The following IL7R variants were observed in gnomAD, a reference collection of about 807,000 sequenced individuals.
IL7R encodes interleukin 7 receptor.
Under a neutral mutation model 47.0 loss-of-function variants are expected in IL7R, and 38 were observed. The ratio of observed to expected loss-of-function variants is 0.81; its 90% CI spans 0.62 to 1.06. IL7R has a LOEUF of 1.06. Among genes scored for constraint, IL7R ranks in the 50% least tolerant of loss-of-function variants. The pLI is 0.00. For missense variants in IL7R, 633 were observed against 534.8 expected (o/e 1.18, Z -1.81); for synonymous variants, 221 against 199.8 (o/e 1.11, Z -0.89).
intron 1 of IL7R, 29 bp downstream of exon 1, chr5:35,857,088 T>C (rs1454356037): frequency 2.2e-6 from 3 of 1,359,856 alleles, no homozygotes; most frequent in Non-Finnish European, 3.2e-6. Flanking sequence ...TTCTTATGGA[T>C]TTTGGATTAT....
Position 35,876,058 on chromosome 5 carries a change from G to A in IL7R, c.952G>A (p.Asp318Asn), listed in dbSNP as rs200521932. 50 of 1,614,046 alleles carry A rather than the reference G, an allele frequency of 3.1e-5. No homozygotes were observed. Among genetic ancestry groups the A allele is most frequent in the Non-Finnish European group, 3.8e-5 (45 of 1,180,028 alleles). Residue 318 changes from aspartate (D) to asparagine (N), a missense_variant, in exon 8 of 8, where the codon GAT becomes AAT. Asp to Asn is a conservative substitution (Grantham distance 23). Transcript: ENST00000303115. ...TAGGGTGGATGACATTCAAGCTAGAGATGAAGTGGAAGGTTTTCTGCAAGA... is the reference window on the plus strand; with the variant it reads ...TAGGGTGGATGACATTCAAGCTAGAAATGAAGTGGAAGGTTTTCTGCAAGA... ...IHRVDDIQAR[D>N]EVEGFLQDTF...
intron 3 of IL7R, 111 bp from the exon 4 acceptor site, chr5:35,870,945 T>C (rs1760058548): frequency 1.1e-6 from 1 of 926,656 alleles, no homozygotes; most frequent in Admixed American, 1.8e-5. Context: ...TAGTTGGCCA[T>C]TTACTGACAC....
At chr5:35,857,193 T>C (rs1340841773) in intron 1 of IL7R, 134 bp downstream of exon 1, 2 of 618,352 alleles carry the variant, frequency 3.2e-6, no homozygotes, top group African/African-American at 4.2e-5. Flanking sequence ...TATTCAGTCA[T>C]TTTTTTTAAT....
chr5:35,867,757 T>C, intron 3 of IL7R: 1 of 592,100 alleles, frequency 1.7e-6, no homozygotes, highest in Non-Finnish European at 3.0e-6. Flanking sequence ...AGGTGTCCTT[T>C]CCTTCCTTAT....
chr5:35,858,748 A>C (rs1759725399), intron 1 of IL7R, among the ~76,000 whole-genome samples: 1 of 152,216 alleles, frequency 6.6e-6, no homozygotes, highest in Admixed American at 6.5e-5. Flanking sequence ...TTATACTCAT[A>C]GCTAATCCCT....
intron 2 of IL7R, 81 bp from the exon 3 acceptor site, chr5:35,867,225 A>G: frequency 1.6e-6 from 2 of 1,277,550 alleles, no homozygotes; most frequent in Non-Finnish European, 2.3e-6. Flanking sequence ...TCAAACATAC[A>G]TCAATGTGCA....
Position 35,878,150 on chromosome 5 carries a change from C to T in IL7R, c.*1664C>T, listed in dbSNP as rs990191850. ...TGTTGGCTTAAAGGACTGGTAAGAT[C>T]AGACCATCTTATTCTTCAGGTGAAT... On this transcript the variant is annotated 3_prime_UTR_variant, in exon 8 of 8. Coordinates refer to ENST00000303115, the MANE Select transcript of IL7R (RefSeq NM_002185.5). 4.7e-5 allele frequency: 11 copies of T among 233,154 alleles called. No individual in the cohort carries two copies. The highest frequency in any genetic ancestry group is 2.2e-4 in the African/African-American group (10 of 45,360). The allele number at this position is 233,154 out of a possible 1,614,324, so 14.4% of individuals were successfully genotyped here.
intron 3 of IL7R, among the ~76,000 whole-genome samples, chr5:35,868,254 C>T (rs143842641): frequency 6.6e-6 from 1 of 152,212 alleles, no homozygotes; most frequent in East Asian, 1.9e-4. Context: ...AAATGTTAAC[C>T]ATGTCTTAAA....
At position 35,874,429 on chromosome 5, in the gene IL7R, A is replaced by C; in HGVS notation, c.707-20A>C. 1 of 1,551,572 alleles carries C rather than the reference A, an allele frequency of 6.4e-7. No individual in the cohort carries two copies. The highest frequency in any genetic ancestry group is 8.9e-7 in the Non-Finnish European group (1 of 1,122,560). ...TGCATGGCTACTGAATGCTCACCAC[A>C]ATCTATTCTTGCTTTCCAGGGGAGA... On this transcript the variant is annotated intron_variant, in intron 5 of 7. Coordinates refer to ENST00000303115, the MANE Select transcript of IL7R (RefSeq NM_002185.5).
rs202196214 is a variant in IL7R, at chr5:35,856,974, C to G, written c.-4C>G. 43 of 1,567,044 alleles carry G rather than the reference C, an allele frequency of 2.7e-5. No homozygotes were observed. In the South Asian group the frequency reaches 3.9e-4, roughly 14 times the overall value. Reference sequence around the variant, plus strand: ...ATCTACTCTCTCTCTCTATCTCTCTCAGAATGACAATTCTAGGTACAACTT... The same window carrying G: ...ATCTACTCTCTCTCTCTATCTCTCTGAGAATGACAATTCTAGGTACAACTT... On this transcript the variant is annotated 5_prime_UTR_variant, in exon 1 of 8. Transcript: ENST00000303115.
chr5:35,877,351 G>C lies in IL7R; in HGVS notation c.*865G>C, dbSNP rs184482643. Reference sequence around the variant, plus strand: ...TTGCGGGTGTGAAGTCCCATGACCAGCCATGTCAAAAGAAGGTAAAGAAGT... The same window carrying C: ...TTGCGGGTGTGAAGTCCCATGACCACCCATGTCAAAAGAAGGTAAAGAAGT... On this transcript the variant is annotated 3_prime_UTR_variant, in exon 8 of 8. Transcript: ENST00000303115. 2.1e-5 allele frequency: 5 copies of C among 233,150 alleles called. No individual in the cohort carries two copies. Among genetic ancestry groups the C allele is most frequent in the East Asian group, 1.2e-4 (2 of 16,586 alleles). 14.4% of individuals were successfully genotyped at this position (233,150 alleles called of 1,614,324 possible). A position where few individuals can be genotyped will look rare whatever the true frequency, so the allele number is the denominator to read the frequency against.
rs1759961562 is a variant in IL7R at position 35,867,260 on chromosome 5, G to A, written c.222-46G>A. 5 of 1,556,486 alleles carry A rather than the reference G, an allele frequency of 3.2e-6. No homozygotes were observed. The South Asian group carries it at 4.5e-5, about 14-fold the overall frequency. ...ATATGATACTATTCCACTGCATACA[G>A]GAACTCCTACCTGAATCAAGACATA... is the stretch of plus-strand genomic sequence containing the variant. On this transcript the variant is annotated intron_variant, in intron 2 of 7. Coordinates refer to ENST00000303115, the MANE Select transcript of IL7R (RefSeq NM_002185.5).
chr5:35,861,023 C>T (rs758839198), intron 2 of IL7R, 33 bp downstream of exon 2: 9 of 1,603,892 alleles, frequency 5.6e-6, no homozygotes, highest in African/African-American at 1.3e-5. Context: ...GTTGCTTAGA[C>T]ATCCTCTGTC....
rs181945634 is a variant in IL7R at position 35,877,047 on chromosome 5, A to G, written c.*561A>G. On this transcript the variant is annotated 3_prime_UTR_variant, in exon 8 of 8. Coordinates refer to ENST00000303115, the MANE Select transcript of IL7R (RefSeq NM_002185.5). The stretch of plus-strand genomic sequence containing the variant: ...TCACACAGTGAAGGGAGGGGCCAAG[A>G]TATGATGGCTGGGAGTCTAATTGCA... 1 of 237,446 alleles carries G rather than the reference A, an allele frequency of 4.2e-6. No individual in the cohort carries two copies. The highest frequency in any genetic ancestry group is 8.3e-6 in the Non-Finnish European group (1 of 120,746). The allele number at this position is 237,446 out of a possible 1,614,324, so 14.7% of individuals were successfully genotyped here.
At chr5:35,868,956 G>A (rs1760005295) in intron 3 of IL7R, among the ~76,000 whole-genome samples, 1 of 152,098 alleles carries the variant, frequency 6.6e-6, no homozygotes, top group Non-Finnish European at 1.5e-5. Flanking sequence ...AAGGGGGAGA[G>A]GTACGTATGG....
At chr5:35,860,720 T>C in intron 1 of IL7R, 132 bp from the exon 2 acceptor site, 6 of 969,494 alleles carry the variant, frequency 6.2e-6, no homozygotes, top group Non-Finnish European at 9.7e-6. Flanking sequence ...GGGCTTTTCT[T>C]CCTTGAATAC....
chr5:35,870,522 C>T (rs1319840100), intron 3 of IL7R, among the ~76,000 whole-genome samples: 2 of 152,186 alleles, frequency 1.3e-5, no homozygotes, highest in Non-Finnish European at 2.9e-5. Context: ...CTTTGGGGCT[C>T]ATTAGTAACA....
intron 4 of IL7R, 86 bp from the exon 5 acceptor site, chr5:35,873,394 A>G (rs1308257572): frequency 9.7e-6 from 11 of 1,138,532 alleles, no homozygotes; most frequent in Non-Finnish European, 1.5e-5. Flanking sequence ...TTATGGGACT[A>G]AAGGAATCCC....
rs571054818 is a variant in IL7R, at chr5:35,875,341, GC to G, written c.801-167del. The G allele has an allele frequency of 9.2e-4, 625 of 678,342 alleles. 8 individuals carry two copies. The South Asian group carries it at 9.3e-3, about 10-fold the overall frequency. 42.0% of individuals were successfully genotyped at this position (678,342 alleles called of 1,614,324 possible). On this transcript the variant is annotated intron_variant, in intron 6 of 7. Transcript: ENST00000303115. ...TCCAACCCCTCCTTGAATTGATAGG[GC>G]CCCGAGGCCCAGAGAAAGCCAGTCT...
Sources: gnomAD v4.1 joint callset for allele counts (sites outside exome capture counted in the v4.1 genomes callset) on GRCh38, gnomAD v4.1.1 for gene constraint, MANE v1.5 for transcripts, NCBI Gene and HGNC (gene_info 2026-07-23, HGNC 2026-07-21) for gene names.